CLIC5: variants seen among roughly 807,000 people sequenced by gnomAD.
CLIC5 encodes the protein chloride intracellular channel protein 5.
CLIC5 carries 20 observed loss-of-function variants against 24.7 expected under a neutral mutation model. The ratio of observed to expected loss-of-function variants is 0.81; its 90% CI spans 0.57 to 1.18. The LOEUF is 1.18. Among genes scored for constraint, CLIC5 ranks in the 50% most tolerant of loss-of-function variants. The pLI, the probability that CLIC5 is intolerant of heterozygous loss-of-function variation, is 0.00. For synonymous variants in CLIC5, 159 were observed against 135.6 expected (o/e 1.17, Z -1.20); for missense variants, 341 against 326.1 (o/e 1.05, Z -0.35).
chr6:45,953,155 G>A (rs1019149185), intron 2 of CLIC5, among the ~76,000 whole-genome samples: 1 of 152,104 alleles, frequency 6.6e-6, no homozygotes, highest in Non-Finnish European at 1.5e-5. Flanking sequence ...CATCTTGGGC[G>A]AGTCTCATAT....
intron 1 of CLIC5, among the ~76,000 whole-genome samples, chr6:46,024,772 A>G (rs1336567440): frequency 6.6e-6 from 1 of 152,216 alleles, no homozygotes; most frequent in African/African-American, 2.4e-5. Context: ...TATGATAGAA[A>G]AAAGACCTCA....
the CLIC5 span, among the ~76,000 whole-genome samples, chr6:46,106,280 G>A: frequency 1.3e-5 from 2 of 152,072 alleles, no homozygotes. Context: ...GCTAATTTTT[G>A]TATTTTTAGT....
intron 1 of CLIC5, among the ~76,000 whole-genome samples, chr6:46,005,584 A>G (rs1056788707): frequency 1.3e-5 from 2 of 152,154 alleles, no homozygotes; most frequent in Non-Finnish European, 2.9e-5. Context: ...CCAGCTTGCC[A>G]TCAGAGATGC....
At chr6:46,026,047 G>A (rs1056510950) in intron 1 of CLIC5, among the ~76,000 whole-genome samples, 4 of 152,082 alleles carry the variant, frequency 2.6e-5, no homozygotes, top group Admixed American at 6.6e-5. Flanking sequence ...GTATGAGAAC[G>A]GACTGATATA....
At chr6:46,085,331 T>C (rs1180658138), upstream of CLIC5, among the ~76,000 whole-genome samples, 1 of 152,226 alleles carries the variant, frequency 6.6e-6, no homozygotes, top group Non-Finnish European at 1.5e-5. Flanking sequence ...CTGCGTTCCT[T>C]TGGAGGAGGA....
intron 1 of CLIC5, among the ~76,000 whole-genome samples, chr6:46,037,061 C>T (rs574724935): frequency 1.3e-5 from 2 of 152,194 alleles, no homozygotes; most frequent in African/African-American, 4.8e-5. Context: ...CAAAGGTCTT[C>T]ATATTTTTCA....
At chr6:46,102,809 CCT>C in the CLIC5 span, 10 of 152,166 alleles carry the variant, frequency 6.6e-5, no homozygotes, top group East Asian at 1.7e-3. Context: ...TGTAACGTCC[CCT>C]GATTCCAGAA....
Position 45,905,639 on chromosome 6 carries a change from G to C in CLIC5, c.589-2384C>G, listed in dbSNP as rs9472612. On this transcript the variant is annotated intron_variant, in intron 5 of 5. Coordinates refer to ENST00000339561, the MANE Select transcript of CLIC5 (RefSeq NM_016929.5). ...GATTCTGGATATTAGACCTTTGTCA[G>C]ATGCATAGTTTGCAAATACTTCCTC... 9.6e-3 allele frequency among the ~76,000 whole-genome samples: 1,460 copies of C among 152,164 alleles called. 20 individuals are homozygous for C. Among genetic ancestry groups the C allele is most frequent in the African/African-American group, 0.033 (1,384 of 41,498 alleles).
In CLIC5 at chr6:45,985,602, G is replaced by A. The variant is rs145760304; in HGVS notation, c.63+29878C>T. On this transcript the variant is annotated intron_variant, in intron 1 of 5. Transcript: ENST00000339561. The stretch of plus-strand genomic sequence containing the variant: ...CTTGGGGCCTGGAGGCTGACAGTGG[G>A]AATAGCATCAAGGGGCTCCCTGCCC... Among the ~76,000 whole-genome samples, 934 of 152,084 alleles carry A rather than the reference G, an allele frequency of 6.1e-3. 3 individuals are homozygous for A. Among genetic ancestry groups the A allele is most frequent in the Middle Eastern group, 0.014 (4 of 294 alleles).
the CLIC5 span, among the ~76,000 whole-genome samples, chr6:46,120,152 G>A: frequency 6.6e-6 from 1 of 152,206 alleles, no homozygotes; most frequent in African/African-American, 2.4e-5. Flanking sequence ...GTTCCCTGAT[G>A]CCTGAGTAGG....
upstream of CLIC5, among the ~76,000 whole-genome samples, chr6:46,019,828 CATAATA>C (rs200522544): frequency 1.3e-5 from 2 of 148,712 alleles, no homozygotes; most frequent in Non-Finnish European, 3.0e-5. Flanking sequence ...AGAGACATTA[CATAATA>C]ATAATAATAA....
intron 5 of CLIC5, among the ~76,000 whole-genome samples, chr6:45,904,644 G>GCCCC (rs1762601736): frequency 2.6e-3 from 1 of 390 alleles, no homozygotes; most frequent in Non-Finnish European, 5.1e-3. Context: ...CCTCTTTTCT[G>GCCCC]TCCCTTTCCT....
Position 46,061,412 on chromosome 6 carries a change from C to T in CLIC5, c.540+18291G>A, listed in dbSNP as rs189909600. Among the ~76,000 whole-genome samples the T allele has an allele frequency of 8.1e-4, 124 of 152,292 alleles. 2 individuals carry two copies. The East Asian group carries it at 0.022, about 27-fold the overall frequency. ...TTCACCATGTTGGCCAGGATGGTCTCGATCTCCTGACCTTGTGAGCTGCCC... is the reference window on the plus strand; with the variant it reads ...TTCACCATGTTGGCCAGGATGGTCTTGATCTCCTGACCTTGTGAGCTGCCC... On this transcript the variant is annotated intron_variant, in intron 1 of 5. Transcript: ENST00000185206.
chr6:46,123,217 C>A, the CLIC5 span: 1 of 152,198 alleles, frequency 6.6e-6, no homozygotes, highest in Non-Finnish European at 1.5e-5. Context: ...AGCAGCACAT[C>A]AAAAAGCTTA....
At chr6:46,105,152 G>GT in the CLIC5 span, among the ~76,000 whole-genome samples, 1,245 of 152,282 alleles carry the variant, frequency 8.2e-3, 15 homozygotes, top group African/African-American at 0.028. Flanking sequence ...GATGTGGGTT[G>GT]TAACACATTT....
chr6:46,017,184 G>A (rs1033647781), upstream of CLIC5, among the ~76,000 whole-genome samples: 2 of 152,112 alleles, frequency 1.3e-5, no homozygotes, highest in Non-Finnish European at 2.9e-5. Flanking sequence ...ATTATTGAAT[G>A]TTTTGCACCA....
At chr6:46,070,030 T>A (rs1762550059) in intron 1 of CLIC5, among the ~76,000 whole-genome samples, 1 of 152,152 alleles carries the variant, frequency 6.6e-6, no homozygotes, top group Non-Finnish European at 1.5e-5. Flanking sequence ...CATCCCTTCA[T>A]GTTAAAAGCT....
intron 1 of CLIC5, among the ~76,000 whole-genome samples, chr6:46,072,292 G>T (rs1248853651): frequency 3.3e-5 from 5 of 151,826 alleles, no homozygotes; most frequent in Admixed American, 2.0e-4. Context: ...GTGGGGGGAG[G>T]GGGGATCCTA....
chr6:45,930,004 G>T (rs1230047919), intron 4 of CLIC5, among the ~76,000 whole-genome samples: 1 of 152,162 alleles, frequency 6.6e-6, no homozygotes, highest in Non-Finnish European at 1.5e-5. Context: ...GGGCTGGGAG[G>T]GAGGAAGGGG....
Sources: gnomAD v4.1 joint callset for allele counts (sites outside exome capture counted in the v4.1 genomes callset) on GRCh38, gnomAD v4.1.1 for gene constraint, MANE v1.5 for transcripts, NCBI Gene and HGNC (gene_info 2026-07-23, HGNC 2026-07-21) for gene names.